The following PLXNB3 variants were observed in gnomAD, a reference collection of about 807,000 sequenced individuals.
PLXNB3 encodes plexin-B3.
A neutral mutation model predicts 125.7 loss-of-function variants in PLXNB3; 80 were observed. The observed-to-expected ratio is 0.64, with a 90% CI of 0.53 to 0.77. The LOEUF is 0.77. Among genes scored for constraint, PLXNB3 ranks in the 30% least tolerant of loss-of-function variants. The pLI, the probability that PLXNB3 is intolerant of heterozygous loss-of-function variation, is 0.00. For missense variants in PLXNB3, 1,836 were observed against 1,729.3 expected (o/e 1.06, Z -1.09); for synonymous variants, 954 against 783.3 (o/e 1.22, Z -3.64).
chrX:153,772,979 A>C lies in PLXNB3; in HGVS notation c.2869A>C (p.Asn957His), dbSNP rs144666678. 6 of 1,197,601 alleles carry C rather than the reference A, an allele frequency of 5.0e-6. No individual in the cohort carries two copies. The highest frequency in any genetic ancestry group is 6.7e-6 in the Non-Finnish European group (6 of 890,384). The change falls in exon 17 of 36, where the codon AAC becomes CAC. Residue 957 changes from asparagine (N) to histidine (H), a missense_variant. By Grantham distance (68) the Asn-to-His change is moderately conservative (BLOSUM62 1). Coordinates refer to ENST00000361971, the MANE Select transcript of PLXNB3 (RefSeq NM_005393.3). Reference protein sequence around the residue: ...IRGQHLQTGGNTSAFVGGQPC... With the variant: ...IRGQHLQTGGHTSAFVGGQPC... The stretch of plus-strand genomic sequence containing the variant: ...AGGTCAGCACCTCCAGACAGGTGGC[A>C]ACACCAGTGCCTTCGTGGGTGGCCA...
rs375037879 is a variant in PLXNB3, at chrX:153,770,077, C to T, written c.1630-15C>T. 1.2e-5 allele frequency: 14 copies of T among 1,207,450 alleles called. No individual in the cohort carries two copies. The highest frequency in any genetic ancestry group is 1.5e-5 in the Non-Finnish European group (13 of 893,672). ...CTCTGGCTACATCTCCCGGTTTCTC[C>T]CCGCTGCATCCCAGGTCACTTTGTC... is the stretch of plus-strand genomic sequence containing the variant. On this transcript the variant is annotated splice_polypyrimidine_tract_variant and intron_variant, in intron 7 of 35. Transcript: ENST00000361971.
chrX:153,770,314 C>T (rs1557061204), intron 8 of PLXNB3, 24 bp from the exon 9 acceptor site: 1 of 1,202,311 alleles, frequency 8.3e-7, no homozygotes, highest in South Asian at 1.8e-5. Context: ...CCTGACCTGT[C>T]CTGCCCCCAC....
intron 2 of PLXNB3, 44 bp downstream of exon 2, chrX:153,765,624 G>T: frequency 8.5e-7 from 1 of 1,170,431 alleles, no homozygotes; most frequent in Non-Finnish European, 1.1e-6. Context: ...TCCTGGGAGG[G>T]GCAGGGTAGG....
Position 153,769,198 on chromosome X carries a change from CCTGA to C in PLXNB3, c.1436_1439del (p.Asp479ValfsTer33). On this transcript the variant is annotated frameshift_variant, in exon 6 of 36. Transcript: ENST00000361971. LOFTEE classifies it high-confidence loss of function. Reference sequence around the variant, plus strand: ...ACCTGTGGCAGCCTGCCCCCAGTTCCCTGACTGTGCCAGCTGCCTCCAGGCCCAG... The same window carrying C: ...ACCTGTGGCAGCCTGCCCCCAGTTCCCTGTGCCAGCTGCCTCCAGGCCCAG... 1 of 1,183,163 alleles carries C rather than the reference CCTGA, an allele frequency of 8.5e-7. No homozygotes were observed. Among genetic ancestry groups the C allele is most frequent in the Non-Finnish European group, 1.1e-6 (1 of 881,101 alleles).
chrX:153,766,943 T>C lies in PLXNB3; in HGVS notation c.116T>C (p.Leu39Pro). ...CTGCTGCTGCTGTCCCCACCGCCAC[T>C]GCCCTTGACAGGGGCCCATCGCTTC... ...LLLLLLSPPP[L>P]PLTGAHRFSA... Residue 39 changes from leucine (L) to proline (P), a missense_variant, in exon 3 of 36, where the codon CTG becomes CCG. Coordinates refer to ENST00000361971, the MANE Select transcript of PLXNB3 (RefSeq NM_005393.3). The C allele has an allele frequency of 8.3e-7, 1 of 1,210,539 alleles. No homozygotes were observed. Among genetic ancestry groups the C allele is most frequent in the Non-Finnish European group, 1.1e-6 (1 of 895,436 alleles).
chrX:153,767,268 T>C lies in PLXNB3; in HGVS notation c.441T>C (p.Asp147=), dbSNP rs2091868955. Reference sequence around the variant, plus strand: ...TGTGTGAGACACGGCGCCTTGGGGATGTGGCCGAGGTGCTGTACCAGGCTG... The same window carrying C: ...TGTGTGAGACACGGCGCCTTGGGGACGTGGCCGAGGTGCTGTACCAGGCTG... The part of the protein sequence containing the change: ...QGVCETRRLG[D]VAEVLYQAED... The change falls in exon 3 of 36, where the codon GAT becomes GAC. Residue 147 remains aspartate, a synonymous_variant. Coordinates refer to ENST00000361971, the MANE Select transcript of PLXNB3 (RefSeq NM_005393.3). 1 of 1,204,836 alleles carries C rather than the reference T, an allele frequency of 8.3e-7. No homozygotes were observed. Among genetic ancestry groups the C allele is most frequent in the African/African-American group, 1.7e-5 (1 of 57,439 alleles).
At chrX:153,777,813 C>G in intron 31 of PLXNB3, 125 bp downstream of exon 31, 1 of 1,059,396 alleles carries the variant, frequency 9.4e-7, no homozygotes, top group African/African-American at 1.8e-5. Flanking sequence ...ATCTAGGGCC[C>G]AGGTCACCTA....
chrX:153,777,047 G>A, intron 29 of PLXNB3, 67 bp downstream of exon 29: 1 of 983,036 alleles, frequency 1.0e-6, no homozygotes, highest in Non-Finnish European at 1.4e-6. Flanking sequence ...TCCTGGCCAT[G>A]CATCTGCCTC....
At chrX:153,766,701 C>G (rs1474398588) in intron 2 of PLXNB3, 172 bp from the exon 3 acceptor site, 9 of 730,693 alleles carry the variant, frequency 1.2e-5, no homozygotes, top group African/African-American at 7.0e-5. Flanking sequence ...CCCCCTCTCT[C>G]TGTGCCCCCT....
intron 35 of PLXNB3, 25 bp downstream of exon 35, chrX:153,778,699 G>C: frequency 8.5e-7 from 1 of 1,175,857 alleles, no homozygotes; most frequent in Non-Finnish European, 1.1e-6. Context: ...ACTCCGGAGG[G>C]GAGGCACAGT....
chrX:153,774,856 C>A, intron 23 of PLXNB3, 24 bp from the exon 24 acceptor site: 1 of 1,206,597 alleles, frequency 8.3e-7, no homozygotes, highest in Non-Finnish European at 1.1e-6. Flanking sequence ...TGAACTCACA[C>A]CTCGGCGCCT....
At position 153,773,007 on chromosome X, in the gene PLXNB3, C is replaced by T. The variant is rs1191641733; in HGVS notation, c.2897C>T (p.Pro966Leu). The change falls in exon 17 of 36, where the codon CCC becomes CTC. Residue 966 changes from proline (P) to leucine (L), a missense_variant. Pro to Leu is a moderately conservative substitution (Grantham distance 98). Coordinates refer to ENST00000361971, the MANE Select transcript of PLXNB3 (RefSeq NM_005393.3). Reference sequence around the variant, plus strand: ...ACCAGTGCCTTCGTGGGTGGCCAACCCTGTCCCATGTGAGTCCCGGCCTGG... The same window carrying T: ...ACCAGTGCCTTCGTGGGTGGCCAACTCTGTCCCATGTGAGTCCCGGCCTGG... ...GNTSAFVGGQ[P>L]CPILEPVCPE... The T allele has an allele frequency of 5.9e-6, 7 of 1,182,936 alleles. No individual in the cohort carries two copies. In the South Asian group the frequency reaches 1.3e-4, roughly 23 times the overall value.
At chrX:153,773,038 G>A (rs373954500) in intron 17 of PLXNB3, 22 bp downstream of exon 17, 10 of 1,151,122 alleles carry the variant, frequency 8.7e-6, no homozygotes, top group African/African-American at 7.3e-5. Flanking sequence ...CCTGGCTGCC[G>A]TCGGGTGGTG....
chrX:153,771,449 A>T (rs782504604), intron 13 of PLXNB3, 37 bp from the exon 14 acceptor site: 244 of 1,207,537 alleles, frequency 2.0e-4, no homozygotes, highest in Non-Finnish European at 2.7e-4. Flanking sequence ...TGGGTGGCAG[A>T]CAGGAGGCGC....
chrX:153,767,838 C>T lies in PLXNB3; in HGVS notation c.1011C>T (p.Gly337=), dbSNP rs1434936951. The part of the protein sequence containing the change: ...EQARRLCYTA[G]GRGPSGAEEA... ...CCCGGAGACTCTGCTACACGGCGGG[C>T]GGCCGGGGCCCCAGCGGCGCAGAGG... is the stretch of plus-strand genomic sequence containing the variant. Residue 337 remains glycine (G), a synonymous_variant, in exon 3 of 36, where the codon GGC becomes GGT. Transcript: ENST00000361971. 8 of 1,142,859 alleles carry T rather than the reference C, an allele frequency of 7.0e-6. No homozygotes were observed. The highest frequency in any genetic ancestry group is 9.3e-6 in the Non-Finnish European group (8 of 862,588). The allele number at this position is 1,142,859 out of a possible 1,213,427, so 94.2% of individuals were successfully genotyped here. A position where few individuals can be genotyped will look rare whatever the true frequency, so the allele number is the denominator to read the frequency against.
At position 153,771,036 on chromosome X, in the gene PLXNB3, G is replaced by A. The variant is rs143787215; in HGVS notation, c.2208G>A (p.Glu736=). The A allele has an allele frequency of 1.3e-3, 1,513 of 1,209,131 alleles. No homozygotes were observed. The highest frequency in any genetic ancestry group is 1.6e-3 in the Non-Finnish European group (1,403 of 895,088). The change falls in exon 12 of 36, where the codon GAG becomes GAA. Residue 736 remains glutamate, a synonymous_variant. Transcript: ENST00000361971. ...GELRGLPATL[E]ETAGDSGLIH... Reference sequence around the variant, plus strand: ...TTCGGGGACTGCCGGCCACCCTGGAGGAGACAGCAGGGGATTCAGGCCTCA... The same window carrying A: ...TTCGGGGACTGCCGGCCACCCTGGAAGAGACAGCAGGGGATTCAGGCCTCA...
chrX:153,767,529 C>A lies in PLXNB3; in HGVS notation c.702C>A (p.Tyr234Ter). The A allele has an allele frequency of 8.5e-7, 1 of 1,175,874 alleles. No individual in the cohort carries two copies. The highest frequency in any genetic ancestry group is 1.1e-6 in the Non-Finnish European group (1 of 877,757). ...VGDFSDYNNS[Y>*]VGAFADARSA... ...ACTTCTCCGACTACAACAACAGCTA[C>A]GTCGGGGCCTTTGCCGACGCCCGCT... The change falls in exon 3 of 36, where the codon TAC becomes TAA. Residue 234 changes from tyrosine to a stop codon, truncating the protein, a stop_gained. Transcript: ENST00000361971. LOFTEE classifies it high-confidence loss of function.
In PLXNB3 at chrX:153,771,047, G is replaced by A. The variant is rs1557061667; in HGVS notation, c.2219G>A (p.Gly740Glu). Residue 740 changes from glycine (G) to glutamate (E), a missense_variant, in exon 12 of 36, where the codon GGG (glycine) becomes GAG (glutamate). Transcript: ENST00000361971. ...GLPATLEETAGDSGLIHCQAH... is the reference protein window; with the variant it reads ...GLPATLEETAEDSGLIHCQAH... ...CCGGCCACCCTGGAGGAGACAGCAG[G>A]GGATTCAGGCCTCATCCACTGCCAG... The A allele has an allele frequency of 2.5e-6, 3 of 1,208,204 alleles. No homozygotes were observed. Among genetic ancestry groups the A allele is most frequent in the African/African-American group, 1.7e-5 (1 of 57,491 alleles).
intron 2 of PLXNB3, chrX:153,765,840 C>T (rs966401301): frequency 1.3e-6 from 1 of 754,651 alleles, no homozygotes; most frequent in Non-Finnish European, 1.6e-6. Context: ...TGACCACACA[C>T]CCAGGGCAGC....
Sources: allele counts gnomAD v4.1 joint callset, GRCh38; gene constraint gnomAD v4.1.1; transcripts MANE v1.5; gene names NCBI Gene and HGNC (gene_info 2026-07-23, HGNC 2026-07-21).